Variants in PIGY observed in about 807,000 individuals in gnomAD.
The protein encoded by PIGY is phosphatidylinositol N-acetylglucosaminyltransferase subunit Y.
A neutral mutation model predicts 4.1 loss-of-function variants in PIGY; 3 were observed. The observed-to-expected ratio is 0.73, with a 90% CI of 0.33 to 1.89. The LOEUF is 1.89. Among genes scored for constraint, PIGY ranks in the 40% most tolerant of loss-of-function variants. The probability of loss-of-function intolerance (pLI) is 0.08; values close to 1 mark genes in which losing one functional copy is unlikely to be tolerated. For missense variants in PIGY, 78 were observed against 80.3 expected, an observed-to-expected ratio of 0.97 and a Z score of 0.11; for synonymous variants, 33 against 31.4, an observed-to-expected ratio of 1.05 and a Z score of -0.18.
Position 88,523,719 on chromosome 4 carries a change from C to T in PIGY, c.-462G>A. On this transcript the variant is annotated 5_prime_UTR_variant, in exon 1 of 2. Transcript: ENST00000527353. ...TCAGCATGGTCTGGCAGCCGGAGAC[C>T]AGGCCTCACCGCAGCCTCGCCACCC... 7.0e-7 allele frequency: 1 copy of T among 1,429,888 alleles called. No homozygotes were observed. The highest frequency in any genetic ancestry group is 1.5e-5 in the South Asian group (1 of 68,026). The allele number at this position is 1,429,888 out of a possible 1,614,324, so 88.6% of individuals were successfully genotyped here.
In PIGY at chr4:88,521,852, G is replaced by C; in HGVS notation, c.-63C>G. On this transcript the variant is annotated 5_prime_UTR_variant, in exon 2 of 2. Transcript: ENST00000527353. Reference sequence around the variant, plus strand: ...AAGGTATATGGTATTAAGAAAAGTTGGCTGTTGCGTTTTTTTAATTTTTTT... The same window carrying C: ...AAGGTATATGGTATTAAGAAAAGTTCGCTGTTGCGTTTTTTTAATTTTTTT... 2 of 1,557,380 alleles carry C rather than the reference G, an allele frequency of 1.3e-6. No individual in the cohort carries two copies. Among genetic ancestry groups the C allele is most frequent in the Non-Finnish European group, 1.7e-6 (2 of 1,152,624 alleles).
rs1742374961 is a variant in PIGY at position 88,521,760 on chromosome 4, A to T, written c.30T>A (p.Val10=). 6.2e-7 allele frequency: 1 copy of T among 1,613,324 alleles called. No individual in the cohort carries two copies. The highest frequency in any genetic ancestry group is 1.7e-5 in the Admixed American group (1 of 59,946). Residue 10 remains valine (V), a synonymous_variant, in exon 2 of 2, where the codon GTT becomes GTA. Transcript: ENST00000527353. MFLSLPTLT[V]LIPLVSLAGL... is the part of the protein sequence containing the mutation. ...CTGCTAAAGAAACCAGTGGAATAAGAACAGTCAACGTAGGAAGAGACAGAA... is the reference window on the plus strand; with the variant it reads ...CTGCTAAAGAAACCAGTGGAATAAGTACAGTCAACGTAGGAAGAGACAGAA...
chr4:88,523,225 T>C (rs1180994241), intron 1 of PIGY, among the ~76,000 whole-genome samples: 3 of 152,184 alleles, frequency 2.0e-5, no homozygotes, highest in Admixed American at 6.5e-5. Context: ...CCCCGGGTGA[T>C]TGCAATGCGC....
chr4:88,523,126 G>A lies in PIGY; in HGVS notation c.-241+372C>T, dbSNP rs550264044. Among the ~76,000 whole-genome samples the A allele has an allele frequency of 9.3e-4, 141 of 151,818 alleles. 2 individuals are homozygous for A. In the East Asian group the frequency reaches 0.026, roughly 28 times the overall value. ...TTAAAAGGAAAAAAAAAAAGGAAAA[G>A]AAAATACAAATGTTCAGGTCCCATC... is the stretch of plus-strand genomic sequence containing the variant. On this transcript the variant is annotated intron_variant, in intron 1 of 1. Transcript: ENST00000527353.
intron 1 of PIGY, among the ~76,000 whole-genome samples, chr4:88,523,102 TAAAAGGAAAAAAA>T (rs1431743450): frequency 7.4e-6 from 1 of 135,394 alleles, no homozygotes; most frequent in Non-Finnish European, 1.5e-5. Flanking sequence ...CCCTGTCTCT[TAAAAGGAAAAAAA>T]AAAAGGAAAA....
At position 88,523,766 on chromosome 4, in the gene PIGY, C is replaced by A. The variant is rs991610681; in HGVS notation, c.-509G>T. 2.9e-6 allele frequency: 4 copies of A among 1,376,676 alleles called. No individual in the cohort carries two copies. The highest frequency in any genetic ancestry group is 1.6e-5 in the South Asian group (1 of 63,384). The allele number at this position is 1,376,676 out of a possible 1,614,324, so 85.3% of individuals were successfully genotyped here. On this transcript the variant is annotated 5_prime_UTR_variant, in exon 1 of 2. Transcript: ENST00000527353. ...ACCCGTGGCCGAGCTCCCGGCTTCC[C>A]GTTCGTCCAGGCCAGCCGGGCAGGC...
At position 88,521,880 on chromosome 4, in the gene PIGY, A is replaced by C. The variant is rs995166916; in HGVS notation, c.-91T>G. On this transcript the variant is annotated 5_prime_UTR_variant, in exon 2 of 2. Transcript: ENST00000527353. ...TGTTGCGTTTTTTTAATTTTTTTAA[A>C]TTATGAACTAGCGCTGCTCCACTTC... The C allele has an allele frequency of 6.5e-7, 1 of 1,541,160 alleles. No homozygotes were observed. Among genetic ancestry groups the C allele is most frequent in the Non-Finnish European group, 8.7e-7 (1 of 1,144,318 alleles).
Position 88,523,711 on chromosome 4 carries a change from C to A in PIGY, c.-454G>T. On this transcript the variant is annotated 5_prime_UTR_variant, in exon 1 of 2. Coordinates refer to ENST00000527353, the MANE Select transcript of PIGY (RefSeq NM_001042616.3). ...TGCTCCACTCAGCATGGTCTGGCAG[C>A]CGGAGACCAGGCCTCACCGCAGCCT... 6.9e-7 allele frequency: 1 copy of A among 1,456,390 alleles called. No homozygotes were observed. Among genetic ancestry groups the A allele is most frequent in the Middle Eastern group, 2.4e-4 (1 of 4,086 alleles). 90.2% of individuals were successfully genotyped at this position (1,456,390 alleles called of 1,614,324 possible). A position where few individuals can be genotyped will look rare whatever the true frequency, so the allele number is the denominator to read the frequency against.
At position 88,521,850 on chromosome 4, in the gene PIGY, T is replaced by G; in HGVS notation, c.-61A>C. ...AAAAGGTATATGGTATTAAGAAAAG[T>G]TGGCTGTTGCGTTTTTTTAATTTTT... is the stretch of plus-strand genomic sequence containing the variant. On this transcript the variant is annotated 5_prime_UTR_variant, in exon 2 of 2. Coordinates refer to ENST00000527353, the MANE Select transcript of PIGY (RefSeq NM_001042616.3). The G allele has an allele frequency of 6.4e-7, 1 of 1,561,110 alleles. No homozygotes were observed. The highest frequency in any genetic ancestry group is 1.2e-5 in the South Asian group (1 of 83,668).
chr4:88,522,740 C>A (rs1182528449), intron 1 of PIGY, among the ~76,000 whole-genome samples: 1 of 152,158 alleles, frequency 6.6e-6, no homozygotes, highest in Non-Finnish European at 1.5e-5. Flanking sequence ...GTAGAGCTGT[C>A]TTCCCAAAAA....
intron 1 of PIGY, among the ~76,000 whole-genome samples, 173 bp downstream of exon 1, chr4:88,523,325 C>T (rs1179035807): frequency 6.6e-6 from 1 of 152,206 alleles, no homozygotes; most frequent in African/African-American, 2.4e-5. Flanking sequence ...CCCTGGCCTC[C>T]GGTCTCCCCC....
In PIGY at chr4:88,521,493, T is replaced by C; in HGVS notation, c.*81A>G. On this transcript the variant is annotated 3_prime_UTR_variant, in exon 2 of 2. Transcript: ENST00000527353. ...AAAGCAAAGCCTCTTTCCCGCAAAC[T>C]AAATTCCATCCATTTGAGCTTTCAG... The C allele has an allele frequency of 7.6e-7, 1 of 1,314,412 alleles. No homozygotes were observed. The highest frequency in any genetic ancestry group is 1.1e-6 in the Non-Finnish European group (1 of 941,378). The allele number at this position is 1,314,412 out of a possible 1,614,324, so 81.4% of individuals were successfully genotyped here.
rs531592340 is a variant in PIGY, at chr4:88,521,108, T to C, written c.*466A>G. On this transcript the variant is annotated 3_prime_UTR_variant, in exon 2 of 2. Transcript: ENST00000527353. ...AGTTTTTGTAAGTACATGAAGTTTCTATTTGATTATGTGGTTTTATATCAC... is the reference window on the plus strand; with the variant it reads ...AGTTTTTGTAAGTACATGAAGTTTCCATTTGATTATGTGGTTTTATATCAC... 6.5e-6 allele frequency: 1 copy of C among 154,078 alleles called. No individual in the cohort carries two copies. The highest frequency in any genetic ancestry group is 1.9e-4 in the East Asian group (1 of 5,202). 9.5% of individuals were successfully genotyped at this position (154,078 alleles called of 1,614,324 possible).
chr4:88,523,332 C>T (rs1211603593), intron 1 of PIGY, among the ~76,000 whole-genome samples, 166 bp downstream of exon 1: 1 of 152,202 alleles, frequency 6.6e-6, no homozygotes, highest in Non-Finnish European at 1.5e-5. Flanking sequence ...CTCCGGTCTC[C>T]CCCGTCCTGC....
intron 1 of PIGY, 107 bp downstream of exon 1, chr4:88,523,391 T>A: frequency 8.6e-7 from 1 of 1,160,348 alleles, no homozygotes; most frequent in South Asian, 1.3e-5. Context: ...CAGCGGAGAG[T>A]ACCTGACCGA....
chr4:88,523,718 C>G lies in PIGY; in HGVS notation c.-461G>C. The stretch of plus-strand genomic sequence containing the variant: ...CTCAGCATGGTCTGGCAGCCGGAGA[C>G]CAGGCCTCACCGCAGCCTCGCCACC... On this transcript the variant is annotated 5_prime_UTR_variant, in exon 1 of 2. Transcript: ENST00000527353. 7.0e-7 allele frequency: 1 copy of G among 1,428,630 alleles called. No homozygotes were observed. Among genetic ancestry groups the G allele is most frequent in the Non-Finnish European group, 9.1e-7 (1 of 1,099,042 alleles). The allele number at this position is 1,428,630 out of a possible 1,614,324, so 88.5% of individuals were successfully genotyped here. A position where few individuals can be genotyped will look rare whatever the true frequency, so the allele number is the denominator to read the frequency against.
chr4:88,523,453 G>A (rs1275939516), intron 1 of PIGY, 45 bp downstream of exon 1: 3 of 1,542,718 alleles, frequency 1.9e-6, no homozygotes, highest in South Asian at 2.4e-5. Context: ...CTCCCTTTCC[G>A]CCCACCGGGA....
At position 88,523,581 on chromosome 4, in the gene PIGY, G is replaced by T. The variant is rs1285558611; in HGVS notation, c.-324C>A. ...CGCGGGGCGGCTCCTCAGTCTTCTTGCCCCGGTCGGCCAAAGGCCGCGACC... is the reference window on the plus strand; with the variant it reads ...CGCGGGGCGGCTCCTCAGTCTTCTTTCCCCGGTCGGCCAAAGGCCGCGACC... On this transcript the variant is annotated 5_prime_UTR_variant, in exon 1 of 2. Coordinates refer to ENST00000527353, the MANE Select transcript of PIGY (RefSeq NM_001042616.3). 3.9e-6 allele frequency: 6 copies of T among 1,549,910 alleles called. No homozygotes were observed. The highest frequency in any genetic ancestry group is 1.7e-4 in the Middle Eastern group (1 of 5,780).
chr4:88,522,300 T>A (rs1742399643), intron 1 of PIGY, among the ~76,000 whole-genome samples: 1 of 152,234 alleles, frequency 6.6e-6, no homozygotes, highest in African/African-American at 2.4e-5. Context: ...TTTTTCATAC[T>A]AGTCAGAAAA....
Sources: gnomAD v4.1 joint callset for allele counts (sites outside exome capture counted in the v4.1 genomes callset) on GRCh38, gnomAD v4.1.1 for gene constraint, MANE v1.5 for transcripts, NCBI Gene and HGNC (gene_info 2026-07-23, HGNC 2026-07-21) for gene names.